Variants in ADAMTS19 observed in about 807,000 individuals in gnomAD.
ADAMTS19 encodes A disintegrin and metalloproteinase with thrombospondin motifs 19.
In ADAMTS19, 93 loss-of-function variants were observed where a neutral mutation model predicts 153.3. The observed-to-expected ratio is 0.61, with a 90% CI of 0.51 to 0.72. The LOEUF (loss-of-function observed/expected upper bound fraction) is 0.72, where lower values mean the gene tolerates loss of function less well. Ranked by LOEUF, ADAMTS19 falls within the 30% of genes least tolerant of loss-of-function variation. The probability of loss-of-function intolerance (pLI) is 0.00; values close to 1 mark genes in which losing one functional copy is unlikely to be tolerated. For missense variants in ADAMTS19, 1,482 were observed against 1,552.1 expected (o/e 0.95, Z 0.76); for synonymous variants, 600 against 556.6 (o/e 1.08, Z -1.10).
intron 11 of ADAMTS19, among the ~76,000 whole-genome samples, chr5:129,646,646 C>T (rs914300724): frequency 1.3e-5 from 2 of 151,882 alleles, no homozygotes; most frequent in Non-Finnish European, 2.9e-5. Flanking sequence ...TCATTCAATT[C>T]CTAAAAAAAA....
At chr5:129,619,964 G>A (rs186809037) in intron 8 of ADAMTS19, among the ~76,000 whole-genome samples, 7 of 152,018 alleles carry the variant, frequency 4.6e-5, no homozygotes, top group East Asian at 1.9e-4. Context: ...GAATAGAGGA[G>A]TAAGTAGAGA....
Position 129,461,503 on chromosome 5 carries a change from G to T in ADAMTS19, c.493G>T (p.Glu165Ter). ...PPSPPPAQHA[E>*]PDGDEVLLRI... ...GTCCCCGCCCCCGGCCCAGCATGCC[G>T]AGCCGGATGGCGACGAAGTGTTGCT... Residue 165 changes from glutamate (E) to a stop codon, truncating the protein, a stop_gained, in exon 2 of 23, where the codon GAG becomes TAG. Coordinates refer to ENST00000274487, the MANE Select transcript of ADAMTS19 (RefSeq NM_133638.6). LOFTEE classifies it high-confidence loss of function. This position sits in a 1 kb window ranked among gnomAD's most constrained non-coding sequence, Gnocchi z 4.6. 2 of 1,507,830 alleles carry T rather than the reference G, an allele frequency of 1.3e-6. No homozygotes were observed. Among genetic ancestry groups the T allele is most frequent in the Non-Finnish European group, 1.8e-6 (2 of 1,136,892 alleles). The allele number at this position is 1,507,830 out of a possible 1,614,324, so 93.4% of individuals were successfully genotyped here. A position where few individuals can be genotyped will look rare whatever the true frequency, so the allele number is the denominator to read the frequency against.
At chr5:129,643,655 CTA>C (rs1199035197) in intron 11 of ADAMTS19, among the ~76,000 whole-genome samples, 1 of 151,980 alleles carries the variant, frequency 6.6e-6, no homozygotes, top group Non-Finnish European at 1.5e-5. Context: ...TATTTTATCA[CTA>C]TATATTATCA....
At chr5:129,533,344 T>G (rs1198880845) in intron 6 of ADAMTS19, among the ~76,000 whole-genome samples, 1 of 152,188 alleles carries the variant, frequency 6.6e-6, no homozygotes, top group Non-Finnish European at 1.5e-5. Flanking sequence ...AATCTTCTCA[T>G]TTAACTTGTG....
chr5:129,685,424 T>A (rs1459999948), intron 18 of ADAMTS19, among the ~76,000 whole-genome samples: 1 of 150,580 alleles, frequency 6.6e-6, no homozygotes, highest in African/African-American at 2.4e-5. Context: ...AAGTGAAGAG[T>A]ATTAGAAGAA....
intron 16 of ADAMTS19, among the ~76,000 whole-genome samples, chr5:129,668,582 A>G (rs951042970): frequency 6.6e-6 from 1 of 151,942 alleles, no homozygotes; most frequent in Non-Finnish European, 1.5e-5. Context: ...TTATGACCTA[A>G]TCACCTCTCA....
intron 10 of ADAMTS19, among the ~76,000 whole-genome samples, chr5:129,623,767 T>G (rs1159990307): frequency 1.3e-5 from 2 of 151,912 alleles, no homozygotes; most frequent in Non-Finnish European, 2.9e-5. Flanking sequence ...AGTGAACAAA[T>G]GATTTAGAAT....
chr5:129,513,538 T>G (rs1328810338), intron 3 of ADAMTS19, among the ~76,000 whole-genome samples: 1 of 152,032 alleles, frequency 6.6e-6, no homozygotes, highest in Non-Finnish European at 1.5e-5. Flanking sequence ...CTATAAAATG[T>G]ACCATGTGCC....
chr5:129,570,709 G>A (rs1377057800), intron 7 of ADAMTS19, among the ~76,000 whole-genome samples: 2 of 151,744 alleles, frequency 1.3e-5, no homozygotes, highest in South Asian at 2.1e-4. Flanking sequence ...AGAAATATAC[G>A]AATAACAGAA....
intron 2 of ADAMTS19, among the ~76,000 whole-genome samples, chr5:129,495,727 G>C (rs1273031150): frequency 6.6e-6 from 1 of 152,016 alleles, no homozygotes; most frequent in African/African-American, 2.4e-5. Flanking sequence ...AATTTCTTTT[G>C]ATGTTCTTCT....
chr5:129,734,502 C>T (rs2127226738), intron 21 of ADAMTS19, among the ~76,000 whole-genome samples: 1 of 151,994 alleles, frequency 6.6e-6, no homozygotes, highest in South Asian at 2.1e-4. Flanking sequence ...AAGACTGTAA[C>T]AAGGATCCAG....
chr5:129,686,148 A>G (rs1755077951), intron 18 of ADAMTS19, among the ~76,000 whole-genome samples: 1 of 152,200 alleles, frequency 6.6e-6, no homozygotes, highest in African/African-American at 2.4e-5. Flanking sequence ...CTTATGATGT[A>G]TGTTACCTTC....
intron 2 of ADAMTS19, among the ~76,000 whole-genome samples, chr5:129,488,560 T>C (rs1296055172): frequency 6.6e-6 from 1 of 152,114 alleles, no homozygotes; most frequent in East Asian, 1.9e-4. Context: ...AATGTTACAA[T>C]TGAGCTTATT....
intron 11 of ADAMTS19, among the ~76,000 whole-genome samples, chr5:129,645,423 T>C (rs888363658): frequency 6.6e-6 from 1 of 152,182 alleles, no homozygotes; most frequent in African/African-American, 2.4e-5. Flanking sequence ...CACAGAACCA[T>C]ATAGAAGACA....
chr5:129,658,614 C>T lies in ADAMTS19; in HGVS notation c.2305-3C>T, dbSNP rs1367795846. On this transcript the variant is annotated splice_region_variant and splice_polypyrimidine_tract_variant and intron_variant, in intron 14 of 22. Transcript: ENST00000274487. Reference sequence around the variant, plus strand: ...ATGATGTGCTGTCACTCTCTTGTTACAGAAAGTTGGCTGTGATGGTTTATT... The same window carrying T: ...ATGATGTGCTGTCACTCTCTTGTTATAGAAAGTTGGCTGTGATGGTTTATT... 1.6e-5 allele frequency: 25 copies of T among 1,609,634 alleles called. No individual in the cohort carries two copies. Among genetic ancestry groups the T allele is most frequent in the Non-Finnish European group, 2.1e-5 (25 of 1,178,334 alleles).
At chr5:129,505,280 G>C (rs528279000) in intron 2 of ADAMTS19, among the ~76,000 whole-genome samples, 28 of 152,206 alleles carry the variant, frequency 1.8e-4, no homozygotes, top group Middle Eastern at 3.4e-3. Context: ...TAGTACTTTG[G>C]TTATGTCAGT....
chr5:129,470,234 C>G (rs1750018915), intron 2 of ADAMTS19, among the ~76,000 whole-genome samples: 1 of 152,142 alleles, frequency 6.6e-6, no homozygotes, highest in Non-Finnish European at 1.5e-5. Flanking sequence ...TTATGCAACA[C>G]TAAAACAGAG....
intron 6 of ADAMTS19, among the ~76,000 whole-genome samples, chr5:129,533,025 C>A (rs1752267290): frequency 6.6e-6 from 1 of 152,104 alleles, no homozygotes; most frequent in South Asian, 2.1e-4. Flanking sequence ...ATTGCTTGAA[C>A]CTGGCAGGCG....
intron 14 of ADAMTS19, among the ~76,000 whole-genome samples, chr5:129,656,205 C>T (rs1318996677): frequency 6.6e-6 from 1 of 152,058 alleles, no homozygotes; most frequent in Non-Finnish European, 1.5e-5. Flanking sequence ...GCTATGTGGA[C>T]CTGATGATTA....
Sources: allele counts gnomAD v4.1 joint callset (sites outside exome capture counted in the v4.1 genomes callset), GRCh38; gene constraint gnomAD v4.1.1; non-coding constraint Gnocchi (gnomAD v3.1); transcripts MANE v1.5; gene names NCBI Gene and HGNC (gene_info 2026-07-23, HGNC 2026-07-21).